The following TANC2 variants were observed in gnomAD, a reference collection of about 807,000 sequenced individuals.
TANC2 encodes tetratricopeptide repeat, ankyrin repeat and coiled-coil containing 2.
In TANC2, 26 loss-of-function variants were observed where a neutral mutation model predicts 210.5. The observed-to-expected ratio is 0.12, with a 90% CI of 0.09 to 0.17. The LOEUF (loss-of-function observed/expected upper bound fraction) is 0.17. Among genes scored for constraint, TANC2 ranks in the 10% least tolerant of loss-of-function variants. The pLI, the probability that TANC2 is intolerant of heterozygous loss-of-function variation, is 1.00. For missense variants in TANC2, 2,129 were observed against 2,608.9 expected (o/e 0.82, Z 4.01); for synonymous variants, 931 against 967.1 (o/e 0.96, Z 0.69).
intron 2 of TANC2, among the ~76,000 whole-genome samples, chr17:63,048,035 C>T (rs527384325): frequency 6.6e-6 from 1 of 152,260 alleles, no homozygotes; most frequent in Non-Finnish European, 1.5e-5. Context: ...TTCTGTATCC[C>T]TCTGTCTTCA....
At chr17:63,026,780 T>C (rs1287467876) in intron 2 of TANC2, among the ~76,000 whole-genome samples, 1 of 152,200 alleles carries the variant, frequency 6.6e-6, no homozygotes, top group East Asian at 1.9e-4. Flanking sequence ...ATTACTCTTA[T>C]TCCAACTTTA....
chr17:63,027,232 C>T (rs989504450), intron 2 of TANC2, among the ~76,000 whole-genome samples: 45 of 152,012 alleles, frequency 3.0e-4, no homozygotes, highest in Admixed American at 2.0e-3. Context: ...TGCTGAAGAT[C>T]GGTTACTGTA....
intron 2 of TANC2, among the ~76,000 whole-genome samples, chr17:63,009,977 AT>A (rs2033793664): frequency 6.6e-6 from 1 of 152,202 alleles, no homozygotes; most frequent in African/African-American, 2.4e-5. Context: ...GAAGGAAATT[AT>A]AAAAATAACT....
intron 4 of TANC2, among the ~76,000 whole-genome samples, chr17:63,117,772 A>G (rs1337581213): frequency 6.6e-6 from 1 of 152,230 alleles, no homozygotes; most frequent in African/African-American, 2.4e-5. Context: ...ACCTGTGAGT[A>G]TGATGAGTAG....
intron 9 of TANC2, among the ~76,000 whole-genome samples, chr17:63,312,313 T>TA (rs1156763176): frequency 6.6e-6 from 1 of 152,192 alleles, no homozygotes. Context: ...GGAATCTCCC[T>TA]AGGTGCCCAT....
At chr17:63,100,661 CCACA>C (rs1295801813) in intron 4 of TANC2, among the ~76,000 whole-genome samples, 1 of 152,032 alleles carries the variant, frequency 6.6e-6, no homozygotes, top group Non-Finnish European at 1.5e-5. Context: ...TTTCATTTTA[CCACA>C]CAGAGTGGAA....
At chr17:63,332,511 C>A in intron 11 of TANC2, 1 of 398,692 alleles carries the variant, frequency 2.5e-6, no homozygotes. Context: ...GCAATCAGCC[C>A]CACTGGATTT....
At chr17:63,251,257 G>A (rs1055917241) in intron 8 of TANC2, among the ~76,000 whole-genome samples, 1 of 152,242 alleles carries the variant, frequency 6.6e-6, no homozygotes, top group African/African-American at 2.4e-5. Context: ...ATTCTGACTG[G>A]GAGATTGATT....
chr17:63,284,522 C>A (rs2044161220), intron 9 of TANC2, among the ~76,000 whole-genome samples: 1 of 151,632 alleles, frequency 6.6e-6, no homozygotes, highest in Non-Finnish European at 1.5e-5. Flanking sequence ...TTGACTTTTT[C>A]TTTGATTTAC....
At chr17:63,380,620 G>A (rs975527167) in intron 15 of TANC2, among the ~76,000 whole-genome samples, 1 of 152,186 alleles carries the variant, frequency 6.6e-6, no homozygotes, top group African/African-American at 2.4e-5. Flanking sequence ...AATCCCTACA[G>A]CCTTTTCAGA....
chr17:63,268,683 A>ATAG (rs1333814894), intron 9 of TANC2, among the ~76,000 whole-genome samples: 1 of 152,170 alleles, frequency 6.6e-6, no homozygotes, highest in Non-Finnish European at 1.5e-5. Flanking sequence ...AGTGCCTATA[A>ATAG]TCCTGGCCTA....
chr17:63,236,149 CAG>C (rs2042614051), intron 7 of TANC2, among the ~76,000 whole-genome samples: 1 of 151,910 alleles, frequency 6.6e-6, no homozygotes, highest in South Asian at 2.1e-4. Context: ...AGGAAAAGAA[CAG>C]AATAAAAAGA....
Position 63,351,230 on chromosome 17 carries a change from T to G in TANC2, c.1808-20T>G. On this transcript the variant is annotated intron_variant, in intron 12 of 27. Coordinates refer to ENST00000689528, the Ensembl canonical transcript of TANC2. ...TATCCACTTGGTAATTATTAAGTAA[T>G]GTGTTTCTTTCTATCTCAGAGAGAA... 6.3e-7 allele frequency: 1 copy of G among 1,581,282 alleles called. No homozygotes were observed. The highest frequency in any genetic ancestry group is 8.6e-7 in the Non-Finnish European group (1 of 1,164,444).
intron 9 of TANC2, among the ~76,000 whole-genome samples, chr17:63,291,863 G>A (rs1304985187): frequency 6.6e-6 from 1 of 152,140 alleles, no homozygotes; most frequent in African/African-American, 2.4e-5. Flanking sequence ...AAAGAGGAAA[G>A]GGATTATATC....
intron 2 of TANC2, among the ~76,000 whole-genome samples, chr17:63,021,101 A>G (rs927468453): frequency 2.0e-5 from 3 of 152,198 alleles, no homozygotes; most frequent in Admixed American, 6.5e-5. Flanking sequence ...GGAGGGGACA[A>G]ATATCCAAAC....
intron 12 of TANC2, 107 bp downstream of exon 12, chr17:63,340,439 T>G: frequency 1.1e-6 from 1 of 908,712 alleles, no homozygotes; most frequent in Non-Finnish European, 1.6e-6. Context: ...AAACTAAATG[T>G]TCCATAGCTG....
At chr17:63,049,281 G>C (rs909452143) in intron 2 of TANC2, among the ~76,000 whole-genome samples, 2 of 152,132 alleles carry the variant, frequency 1.3e-5, no homozygotes, top group East Asian at 3.8e-4. Context: ...GAATTAAGAT[G>C]AATAGGTAAA....
chr17:63,233,932 CA>C (rs1165322360), intron 7 of TANC2, among the ~76,000 whole-genome samples: 1 of 152,130 alleles, frequency 6.6e-6, no homozygotes, highest in African/African-American at 2.4e-5. Flanking sequence ...TCTCATAAAG[CA>C]AACCTCTTTT....
intron 1 of TANC2, among the ~76,000 whole-genome samples, chr17:62,974,426 C>T (rs193008964): frequency 7.9e-5 from 12 of 151,520 alleles, no homozygotes; most frequent in African/African-American, 2.7e-4. Context: ...TTTTAAAAAC[C>T]TTGATTTTGT....
Sources: allele counts gnomAD v4.1 joint callset (sites outside exome capture counted in the v4.1 genomes callset), GRCh38; gene constraint gnomAD v4.1.1; transcripts MANE v1.5; gene names NCBI Gene and HGNC (gene_info 2026-07-23, HGNC 2026-07-21).